The following CCDC91 variants were observed in gnomAD, a reference collection of about 807,000 sequenced individuals.
CCDC91 encodes coiled-coil domain-containing protein 91.
CCDC91 carries 48 observed loss-of-function variants against 63.2 expected under a neutral mutation model. The observed-to-expected ratio is 0.76, with a 90% CI of 0.60 to 0.97. The LOEUF (loss-of-function observed/expected upper bound fraction) is 0.97, where lower values mean the gene tolerates loss of function less well. Ranked by LOEUF, CCDC91 falls within the 50% of genes least tolerant of loss-of-function variation. The probability of loss-of-function intolerance (pLI) is 0.00; values close to 1 mark genes in which losing one functional copy is unlikely to be tolerated. For missense variants in CCDC91, 500 were observed against 494.6 expected (o/e 1.01, Z -0.10); for synonymous variants, 167 against 165.8 (o/e 1.01, Z -0.06).
intron 10 of CCDC91, 35 bp downstream of exon 10, chr12:28,450,453 T>A: frequency 7.1e-7 from 1 of 1,402,512 alleles, no homozygotes; most frequent in Non-Finnish European, 1.0e-6. Flanking sequence ...TGCTTGTAAG[T>A]AAGTGGAATT....
intron 12 of CCDC91, among the ~76,000 whole-genome samples, chr12:28,537,030 A>G (rs1942229039): frequency 2.0e-5 from 3 of 152,154 alleles, no homozygotes; most frequent in Admixed American, 1.3e-4. Flanking sequence ...TATCCATGAT[A>G]TTTATGATTT....
intron 12 of CCDC91, among the ~76,000 whole-genome samples, chr12:28,525,319 G>A (rs1475330226): frequency 3.9e-5 from 6 of 151,988 alleles, no homozygotes; most frequent in Non-Finnish European, 7.4e-5. Flanking sequence ...CATTCAGTTC[G>A]AAGAGTTTTT....
At chr12:28,492,715 C>T (rs1343659827) in intron 12 of CCDC91, among the ~76,000 whole-genome samples, 1 of 151,522 alleles carries the variant, frequency 6.6e-6, no homozygotes, top group Non-Finnish European at 1.5e-5. Context: ...TACAAAAGGA[C>T]TGGCCAAGAG....
intron 12 of CCDC91, among the ~76,000 whole-genome samples, chr12:28,500,886 A>C (rs912040108): frequency 6.6e-6 from 1 of 151,700 alleles, no homozygotes; most frequent in Admixed American, 6.6e-5. Flanking sequence ...TTAGAGTCTG[A>C]TAAGTGTATG....
chr12:28,352,225 T>C (rs777454715), intron 6 of CCDC91, among the ~76,000 whole-genome samples: 6 of 152,222 alleles, frequency 3.9e-5, no homozygotes, highest in Admixed American at 6.5e-5. Context: ...TTTGCCTCAA[T>C]GTTGATAGCT....
chr12:28,396,167 T>A (rs1946273736), intron 8 of CCDC91, among the ~76,000 whole-genome samples: 1 of 152,184 alleles, frequency 6.6e-6, no homozygotes, highest in South Asian at 2.1e-4. Flanking sequence ...AGTTAAGGCA[T>A]CTAAGTGAGG....
At chr12:28,192,269 A>G (rs576860039) in intron 1 of CCDC91, among the ~76,000 whole-genome samples, 1 of 152,200 alleles carries the variant, frequency 6.6e-6, no homozygotes, top group African/African-American at 2.4e-5. Flanking sequence ...TAGGCATTTT[A>G]TGTTGTACTC....
chr12:28,272,844 T>C (rs1947878617), intron 3 of CCDC91, among the ~76,000 whole-genome samples: 1 of 152,174 alleles, frequency 6.6e-6, no homozygotes, highest in Non-Finnish European at 1.5e-5. Context: ...AAAATTCTTT[T>C]TTTTTAAATT....
intron 7 of CCDC91, among the ~76,000 whole-genome samples, chr12:28,366,445 C>T (rs188965944): frequency 6.6e-6 from 1 of 152,306 alleles, no homozygotes; most frequent in East Asian, 1.9e-4. Flanking sequence ...ATTCTACTTC[C>T]ACCAAGTACC....
chr12:28,280,110 A>T (rs1948507586), intron 3 of CCDC91, among the ~76,000 whole-genome samples: 1 of 152,136 alleles, frequency 6.6e-6, no homozygotes, highest in African/African-American at 2.4e-5. Flanking sequence ...TCACCTTTTA[A>T]AAAGTCAGTG....
At chr12:28,347,626 C>G (rs1942901371) in intron 6 of CCDC91, among the ~76,000 whole-genome samples, 1 of 152,066 alleles carries the variant, frequency 6.6e-6, no homozygotes, top group Admixed American at 6.6e-5. Context: ...AAGATGTAAC[C>G]CACCCCCATC....
Position 28,250,359 on chromosome 12 carries a change from G to C in CCDC91, c.-14-6843G>C, listed in dbSNP as rs56225470. Among the ~76,000 whole-genome samples, 493 of 152,212 alleles carry C rather than the reference G, an allele frequency of 3.2e-3. 4 individuals are homozygous for C. Among genetic ancestry groups the C allele is most frequent in the African/African-American group, 0.011 (477 of 41,538 alleles). ...TTTTAGGTAATAAATTTACACCTCAGTTTGCTTTCTTTGGACTTGTAATAA... is the reference window on the plus strand; with the variant it reads ...TTTTAGGTAATAAATTTACACCTCACTTTGCTTTCTTTGGACTTGTAATAA... On this transcript the variant is annotated intron_variant, in intron 1 of 12. Coordinates refer to ENST00000536442, the MANE Select transcript of CCDC91 (RefSeq NM_018318.5).
chr12:28,191,000 C>A (rs1941180836), intron 1 of CCDC91, among the ~76,000 whole-genome samples: 1 of 152,264 alleles, frequency 6.6e-6, no homozygotes, highest in Non-Finnish European at 1.5e-5. Context: ...GCTTAGATTA[C>A]ACAGAACGCG....
At chr12:28,240,448 C>T (rs544527507) in intron 1 of CCDC91, among the ~76,000 whole-genome samples, 1 of 152,128 alleles carries the variant, frequency 6.6e-6, no homozygotes, top group Admixed American at 6.5e-5. Flanking sequence ...ACCTATTCTT[C>T]TGTCAGGTCA....
intron 8 of CCDC91, among the ~76,000 whole-genome samples, chr12:28,394,612 C>G (rs1286679954): frequency 6.6e-6 from 1 of 151,668 alleles, no homozygotes; most frequent in Admixed American, 6.6e-5. Context: ...AAATTAGTAC[C>G]TTCAGTTTAA....
At chr12:28,250,873 C>T (rs940766144) in intron 1 of CCDC91, among the ~76,000 whole-genome samples, 1 of 151,834 alleles carries the variant, frequency 6.6e-6, no homozygotes, top group African/African-American at 2.4e-5. Context: ...CCCAATAAGC[C>T]TGAAATTCTG....
chr12:28,270,596 T>C lies in CCDC91; in HGVS notation c.109+11154T>C, dbSNP rs530408653. On this transcript the variant is annotated intron_variant, in intron 3 of 12. Coordinates refer to ENST00000536442, the MANE Select transcript of CCDC91 (RefSeq NM_018318.5). ...AATTTTATTTCAAGGAAACATTTGCTGATAGAATTGTACATTAAATGTGCG... is the reference window on the plus strand; with the variant it reads ...AATTTTATTTCAAGGAAACATTTGCCGATAGAATTGTACATTAAATGTGCG... Among the ~76,000 whole-genome samples the C allele has an allele frequency of 6.6e-5, 10 of 152,302 alleles. No individual in the cohort carries two copies. The South Asian group carries it at 1.9e-3, about 28-fold the overall frequency.
At chr12:28,308,939 C>CCG (rs1939029025) in intron 6 of CCDC91, among the ~76,000 whole-genome samples, 2 of 151,904 alleles carry the variant, frequency 1.3e-5, no homozygotes, top group Non-Finnish European at 2.9e-5. Context: ...AATCAGATCC[C>CCG]AGACTCAATT....
chr12:28,250,796 A>T (rs1195132771), intron 1 of CCDC91, among the ~76,000 whole-genome samples: 1 of 152,138 alleles, frequency 6.6e-6, no homozygotes, highest in East Asian at 1.9e-4. Context: ...AGATGAATAA[A>T]GAAAGGATCC....
Sources: allele counts gnomAD v4.1 joint callset (sites outside exome capture counted in the v4.1 genomes callset), GRCh38; gene constraint gnomAD v4.1.1; transcripts MANE v1.5; gene names NCBI Gene and HGNC (gene_info 2026-07-23, HGNC 2026-07-21).